Variants in LAMC2 observed in about 807,000 individuals in gnomAD.
LAMC2 encodes laminin subunit gamma 2, also known as laminin subunit gamma-2.
A neutral mutation model predicts 140.2 loss-of-function variants in LAMC2; 97 were observed. The observed-to-expected ratio is 0.69, with a 90% confidence interval of 0.59 to 0.82. LAMC2 has a LOEUF of 0.82. Ranked by LOEUF, LAMC2 falls within the 40% of genes least tolerant of loss-of-function variation. The probability of loss-of-function intolerance (pLI) is 0.00; values close to 1 mark genes in which losing one functional copy is unlikely to be tolerated. For missense variants in LAMC2, 1,402 were observed against 1,476.1 expected (o/e 0.95, Z 0.82); for synonymous variants, 513 against 540.2 (o/e 0.95, Z 0.70).
chr1:183,222,332 C>G (rs186451007), intron 6 of LAMC2, 121 bp downstream of exon 6: 2 of 1,033,312 alleles, frequency 1.9e-6, no homozygotes, highest in Non-Finnish European at 3.0e-6. Flanking sequence ...GCAGCATCTC[C>G]GGGTAGTGCA....
At position 183,239,464 on chromosome 1, in the gene LAMC2, C is replaced by A. The variant is rs182929815; in HGVS notation, c.2970C>A (p.Thr990=). 134 of 1,614,092 alleles carry A rather than the reference C, an allele frequency of 8.3e-5. 1 individual carries two copies. In the African/African-American group the frequency reaches 1.5e-3, roughly 18 times the overall value. The change falls in exon 20 of 23, where the codon ACC becomes ACA. Residue 990 remains threonine, a synonymous_variant. Transcript: ENST00000264144. ...SQKVSDASDK[T]QQAERALGSA... The stretch of plus-strand genomic sequence containing the variant: ...AGGTTTCAGATGCCAGTGACAAGAC[C>A]CAGCAAGCAGAAAGAGCCCTGGGGA...
intron 2 of LAMC2, 102 bp downstream of exon 2, chr1:183,208,171 A>T: frequency 8.9e-7 from 1 of 1,129,692 alleles, no homozygotes; most frequent in Non-Finnish European, 1.3e-6. Flanking sequence ...ACAACGGAGG[A>T]AAAAGAAAGA....
intron 1 of LAMC2, among the ~76,000 whole-genome samples, chr1:183,206,954 T>C (rs1658904729): frequency 6.6e-6 from 1 of 152,246 alleles, no homozygotes; most frequent in Non-Finnish European, 1.5e-5. Flanking sequence ...ACGTGTTTCA[T>C]GGAGTGAGTG....
At chr1:183,218,534 C>A (rs759069555) in intron 4 of LAMC2, 46 bp downstream of exon 4, 42 of 1,355,652 alleles carry the variant, frequency 3.1e-5, no homozygotes, top group African/African-American at 4.3e-5. Context: ...GAGTCCCTTG[C>A]CAACTAGCAT....
chr1:183,221,794 T>TG lies in LAMC2; in HGVS notation c.641-295_641-294insG, dbSNP rs34982665. On this transcript the variant is annotated intron_variant, in intron 5 of 22. Transcript: ENST00000264144. ...CTCTCACTTCATTAAGGTGAGAGCT[T>TG]TTTATATAAATACAAAAAAATGCAA... Among the ~76,000 whole-genome samples, 39,059 of 151,658 alleles carry TG rather than the reference T, an allele frequency of 0.26. 5,799 individuals carry two copies. The highest frequency in any genetic ancestry group is 0.39 in the African/African-American group (16,105 of 41,268).
chr1:183,211,008 AT>A (rs1320074844), intron 2 of LAMC2, among the ~76,000 whole-genome samples: 1 of 152,260 alleles, frequency 6.6e-6, no homozygotes, highest in Non-Finnish European at 1.5e-5. Context: ...AATCTGTTGT[AT>A]ATTCCATTTC....
downstream of LAMC2, among the ~76,000 whole-genome samples, chr1:183,247,231 G>A (rs1217843998): frequency 6.6e-6 from 1 of 152,178 alleles, no homozygotes; most frequent in Admixed American, 6.5e-5. Context: ...AGAATCACTT[G>A]AACCCCGGAG....
downstream of LAMC2, among the ~76,000 whole-genome samples, chr1:183,245,743 G>A (rs139899951): frequency 5.7e-3 from 865 of 152,310 alleles, 12 homozygotes; most frequent in African/African-American, 0.019. Context: ...ATGCATTGTC[G>A]GTGATTGGCT....
intron 3 of LAMC2, among the ~76,000 whole-genome samples, chr1:183,216,253 T>C (rs1659253227): frequency 6.6e-6 from 1 of 152,144 alleles, no homozygotes; most frequent in East Asian, 1.9e-4. Flanking sequence ...ATTGTCCCAG[T>C]TGTCAAGGTC....
In LAMC2 at chr1:183,186,359, G is replaced by A; in HGVS notation, c.7G>A (p.Ala3Thr). 1 of 1,601,610 alleles carries A rather than the reference G, an allele frequency of 6.2e-7. No homozygotes were observed. The highest frequency in any genetic ancestry group is 8.5e-7 in the Non-Finnish European group (1 of 1,178,690). Reference sequence around the variant, plus strand: ...TGAGCGGCCCGGCCCCGCCATGCCTGCGCTCTGGCTGGGCTGCTGCCTCTG... The same window carrying A: ...TGAGCGGCCCGGCCCCGCCATGCCTACGCTCTGGCTGGGCTGCTGCCTCTG... MP[A>T]LWLGCCLCFS... Residue 3 changes from alanine (A) to threonine (T), a missense_variant, in exon 1 of 23, where the codon GCG (alanine) becomes ACG (threonine). Ala to Thr is a moderately conservative substitution (Grantham distance 58, BLOSUM62 0). Transcript: ENST00000264144.
intron 1 of LAMC2, among the ~76,000 whole-genome samples, chr1:183,187,850 A>T (rs549018166): frequency 6.6e-6 from 1 of 152,346 alleles, no homozygotes; most frequent in African/African-American, 2.4e-5. Flanking sequence ...CAGAGATGAA[A>T]CTGGCTCTTG....
chr1:183,223,434 C>A (rs1659535268), intron 7 of LAMC2, 110 bp downstream of exon 7: 4 of 1,050,510 alleles, frequency 3.8e-6, no homozygotes, highest in South Asian at 1.4e-5. Context: ...CCTTTCTGAG[C>A]ACCTTTTACG....
intron 3 of LAMC2, 47 bp downstream of exon 3, chr1:183,215,635 A>G: frequency 1.2e-6 from 2 of 1,611,228 alleles, no homozygotes; most frequent in Non-Finnish European, 1.7e-6. Flanking sequence ...CAGTGATGAC[A>G]ATTATATAAA....
intron 1 of LAMC2, among the ~76,000 whole-genome samples, chr1:183,195,131 C>T (rs944114116): frequency 4.6e-5 from 7 of 152,146 alleles, no homozygotes; most frequent in Admixed American, 3.9e-4. Flanking sequence ...ACTTGGTGTC[C>T]CCAGTTTCCC....
At chr1:183,190,472 G>A (rs761115045) in intron 1 of LAMC2, among the ~76,000 whole-genome samples, 6 of 151,772 alleles carry the variant, frequency 4.0e-5, no homozygotes, top group African/African-American at 1.2e-4. Flanking sequence ...ACTGGATCTC[G>A]TATCATTCCT....
At chr1:183,225,487 C>T (rs1183603324) in intron 7 of LAMC2, 121 bp from the exon 8 acceptor site, 1 of 756,258 alleles carries the variant, frequency 1.3e-6, no homozygotes, top group Non-Finnish European at 2.4e-6. Context: ...CAGTCCTATG[C>T]CCCCTTCTAA....
intron 1 of LAMC2, among the ~76,000 whole-genome samples, chr1:183,192,661 C>G (rs1658379624): frequency 1.4e-5 from 2 of 142,048 alleles, no homozygotes; most frequent in South Asian, 4.3e-4. Context: ...ATTTCAGTTA[C>G]TAGTTTAATG....
intron 1 of LAMC2, among the ~76,000 whole-genome samples, chr1:183,195,112 T>A (rs1463060378): frequency 2.0e-5 from 3 of 152,302 alleles, no homozygotes; most frequent in African/African-American, 7.2e-5. Flanking sequence ...CCTTTGCTAG[T>A]CAGACAAAAC....
rs772708974 is a variant in LAMC2, at chr1:183,230,979, T to C, written c.1733T>C (p.Met578Thr). The C allele has an allele frequency of 6.2e-6, 10 of 1,614,084 alleles. No individual in the cohort carries two copies. Among genetic ancestry groups the C allele is most frequent in the Non-Finnish European group, 8.5e-6 (10 of 1,180,032 alleles). Reference protein sequence around the residue: ...DKCRACNCNPMGSEPVGCRSD... With the variant: ...DKCRACNCNPTGSEPVGCRSD... ...TCTCTAGCTTGCAACTGTAACCCCA[T>C]GGGCTCAGAGCCTGTAGGATGTCGA... The change falls in exon 12 of 23, where the codon ATG becomes ACG. Residue 578 changes from methionine to threonine, a missense_variant. By Grantham distance (81) the Met-to-Thr change is moderately conservative (BLOSUM62 -1). Transcript: ENST00000264144.
Sources: allele counts gnomAD v4.1 joint callset (sites outside exome capture counted in the v4.1 genomes callset), GRCh38; gene constraint gnomAD v4.1.1; transcripts MANE v1.5; gene names NCBI Gene and HGNC (gene_info 2026-07-23, HGNC 2026-07-21).